The following FAF1 variants were observed in gnomAD, a reference collection of about 807,000 sequenced individuals.
FAF1 encodes Fas associated factor 1.
Under a neutral mutation model 92.5 loss-of-function variants are expected in FAF1, and 25 were observed. The observed-to-expected ratio is 0.27, with a 90% CI of 0.20 to 0.38. FAF1 has a LOEUF of 0.38. Among genes scored for constraint, FAF1 ranks in the 10% least tolerant of loss-of-function variants. FAF1 has a pLI of 1.00. For missense variants in FAF1, 636 were observed against 793.3 expected (o/e 0.80, Z 2.38); for synonymous variants, 234 against 273.2 (o/e 0.86, Z 1.42).
intron 18 of FAF1, among the ~76,000 whole-genome samples, chr1:50,472,895 C>T (rs945730483): frequency 3.9e-5 from 6 of 152,100 alleles, no homozygotes; most frequent in African/African-American, 1.4e-4. Context: ...AAAGAGAATT[C>T]AGAGAAGAAT....
At chr1:50,603,429 G>T (rs1029012816) in intron 8 of FAF1, among the ~76,000 whole-genome samples, 1 of 152,140 alleles carries the variant, frequency 6.6e-6, no homozygotes, top group African/African-American at 2.4e-5. Flanking sequence ...CGTAGATAAG[G>T]TTTTTTATAG....
chr1:50,891,752 G>A (rs993327802), intron 1 of FAF1, among the ~76,000 whole-genome samples: 2 of 152,194 alleles, frequency 1.3e-5, no homozygotes, highest in Non-Finnish European at 1.5e-5. Context: ...GCCGTGTGAG[G>A]TGTCAGTCTG....
At chr1:50,913,336 C>A (rs965891605) in intron 1 of FAF1, among the ~76,000 whole-genome samples, 3 of 152,132 alleles carry the variant, frequency 2.0e-5, no homozygotes, top group South Asian at 2.1e-4. Flanking sequence ...TTCATAATTG[C>A]CTCATCATCC....
At chr1:50,806,464 C>G (rs542838665) in intron 2 of FAF1, among the ~76,000 whole-genome samples, 1 of 152,260 alleles carries the variant, frequency 6.6e-6, no homozygotes, top group Non-Finnish European at 1.5e-5. Context: ...ACGGAGGCAG[C>G]CGACACCAGT....
At chr1:50,574,926 T>TTTTTTTTTTTTTTTTTTTTTTA in intron 12 of FAF1, among the ~76,000 whole-genome samples, 1 of 129,832 alleles carries the variant, frequency 7.7e-6, no homozygotes, top group African/African-American at 3.0e-5. Context: ...TTTTTTTTTT[T>TTTTTTTTTTTTTTTTTTTTTTA]GAGACAGGGT....
At position 50,475,936 on chromosome 1, in the gene FAF1, G is replaced by GA. The variant is rs555722594; in HGVS notation, c.1654-258dup. 3.3e-5 allele frequency among the ~76,000 whole-genome samples: 5 copies of GA among 152,204 alleles called. No homozygotes were observed. The East Asian group carries it at 9.7e-4, about 29-fold the overall frequency. ...TATTAAATATATAGGAAACTACACA[G>GA]AAAAGGCATTTTTTTAACTGAAGGG... is the stretch of plus-strand genomic sequence containing the variant. On this transcript the variant is annotated intron_variant, in intron 17 of 18. Coordinates refer to ENST00000396153, the MANE Select transcript of FAF1 (RefSeq NM_007051.3).
intron 13 of FAF1, among the ~76,000 whole-genome samples, chr1:50,559,149 G>T (rs1557994887): frequency 6.6e-6 from 1 of 151,990 alleles, no homozygotes; most frequent in Non-Finnish European, 1.5e-5. Context: ...TACTTGGGAG[G>T]CTAAGACAGG....
chr1:50,608,223 T>G (rs938177506), intron 8 of FAF1, among the ~76,000 whole-genome samples: 1 of 152,224 alleles, frequency 6.6e-6, no homozygotes, highest in African/African-American at 2.4e-5. Flanking sequence ...CTTCTGGGTG[T>G]TCCCATGGTA....
chr1:50,873,802 A>C (rs1283595050), intron 1 of FAF1, among the ~76,000 whole-genome samples: 1 of 152,224 alleles, frequency 6.6e-6, no homozygotes, highest in Non-Finnish European at 1.5e-5. Context: ...AGTTTAATAA[A>C]GTTGCTGTGT....
intron 3 of FAF1, among the ~76,000 whole-genome samples, chr1:50,794,463 G>A (rs1661671170): frequency 6.6e-6 from 1 of 152,236 alleles, no homozygotes; most frequent in South Asian, 2.1e-4. Flanking sequence ...GAGATAGCCT[G>A]AGGTATAAAT....
intron 15 of FAF1, among the ~76,000 whole-genome samples, chr1:50,525,212 C>T (rs1057033572): frequency 6.6e-6 from 1 of 152,106 alleles, no homozygotes; most frequent in Non-Finnish European, 1.5e-5. Context: ...AAGTTTTTTT[C>T]TAGTTCTGTG....
rs1263441071 is a variant in FAF1 at position 50,627,240 on chromosome 1, A to G, written c.744+28202T>C. On this transcript the variant is annotated intron_variant, in intron 8 of 18. Coordinates refer to ENST00000396153, the MANE Select transcript of FAF1 (RefSeq NM_007051.3). ...GGAAGAAGATACTAAGTGAGAAGAC[A>G]TGAGTACATGGAACTGAGTCTTAAA... is the stretch of plus-strand genomic sequence containing the variant. Among the ~76,000 whole-genome samples the G allele has an allele frequency of 2.6e-5, 4 of 152,284 alleles. No individual in the cohort carries two copies. The South Asian group carries it at 6.2e-4, about 24-fold the overall frequency.
At chr1:50,847,388 A>G (rs1644310465) in intron 2 of FAF1, among the ~76,000 whole-genome samples, 1 of 151,892 alleles carries the variant, frequency 6.6e-6, no homozygotes, top group South Asian at 2.1e-4. Context: ...ATGGGTAATT[A>G]CAGCAAAAAA....
intron 1 of FAF1, among the ~76,000 whole-genome samples, chr1:50,928,312 T>C (rs1645021580): frequency 6.6e-6 from 1 of 152,194 alleles, no homozygotes; most frequent in African/African-American, 2.4e-5. Flanking sequence ...AAGAAAGTAA[T>C]ATGAAAGTCT....
At chr1:50,788,274 T>C in intron 3 of FAF1, 69 bp from the exon 4 acceptor site, 2 of 1,333,320 alleles carry the variant, frequency 1.5e-6, no homozygotes, top group Non-Finnish European at 2.1e-6. Context: ...AGGGACCCTC[T>C]CCATACTTGG....
Position 50,439,181 on chromosome 1 carries a change from T to C in FAF1, c.*2259A>G, listed in dbSNP as rs1226963072. 1.3e-5 allele frequency: 2 copies of C among 152,220 alleles called. No individual in the cohort carries two copies. Among genetic ancestry groups the C allele is most frequent in the Admixed American group, 6.5e-5 (1 of 15,278 alleles). The allele number at this position is 152,220 out of a possible 1,614,324, so 9.4% of individuals were successfully genotyped here. On this transcript the variant is annotated 3_prime_UTR_variant, in exon 19 of 19. Transcript: ENST00000396153. The stretch of plus-strand genomic sequence containing the variant: ...GGATGTAAAGCCCAAGGAAGCCTAA[T>C]GGTAGGAGGAAGAACTGCAGAGGAC...
At chr1:50,518,671 A>G (rs1205657024) in intron 15 of FAF1, among the ~76,000 whole-genome samples, 1 of 152,010 alleles carries the variant, frequency 6.6e-6, no homozygotes, top group African/African-American at 2.4e-5. Flanking sequence ...CAATCTCCTG[A>G]CCTTGTGATC....
chr1:50,630,400 A>G (rs1653716744), intron 8 of FAF1, among the ~76,000 whole-genome samples: 1 of 152,222 alleles, frequency 6.6e-6, no homozygotes, highest in Non-Finnish European at 1.5e-5. Flanking sequence ...ATCATAGGTA[A>G]GAACTATGAT....
intron 17 of FAF1, among the ~76,000 whole-genome samples, chr1:50,488,235 A>G (rs937830602): frequency 2.6e-5 from 4 of 152,132 alleles, no homozygotes; most frequent in African/African-American, 4.8e-5. Context: ...CTGTACCCCA[A>G]CCTCTCACAT....
Sources: gnomAD v4.1 joint callset for allele counts (sites outside exome capture counted in the v4.1 genomes callset) on GRCh38, gnomAD v4.1.1 for gene constraint, MANE v1.5 for transcripts, NCBI Gene and HGNC (gene_info 2026-07-23, HGNC 2026-07-21) for gene names.